Variants in XKR6 observed in about 807,000 individuals in gnomAD.
XKR6 encodes the protein XK related 6.
Under a neutral mutation model 56.7 loss-of-function variants are expected in XKR6, and 22 were observed. The observed-to-expected ratio is 0.39, with a 90% CI of 0.28 to 0.55. The LOEUF is 0.55. Among genes scored for constraint, XKR6 ranks in the 20% least tolerant of loss-of-function variants. The pLI is 0.66. For synonymous variants in XKR6, 524 were observed against 387.8 expected (o/e 1.35, Z -4.13); for missense variants, 852 against 889.0 (o/e 0.96, Z 0.53).
chr8:11,201,753 G>A lies in XKR6; in HGVS notation c.-414C>T, dbSNP rs1302879174. Among the ~76,000 whole-genome samples the A allele has an allele frequency of 6.6e-6, 1 of 152,198 alleles. No individual in the cohort carries two copies. The highest frequency in any genetic ancestry group is 1.9e-4 in the East Asian group (1 of 5,184). On this transcript the variant is annotated 5_prime_UTR_variant, in exon 1 of 3. Transcript: ENST00000416569. Reference sequence around the variant, plus strand: ...GAGGCGGTCCAAAGTGATCCCTGGAGGGGGCAGTGCCAGACGTTTTGGGGT... The same window carrying A: ...GAGGCGGTCCAAAGTGATCCCTGGAAGGGGCAGTGCCAGACGTTTTGGGGT...
chr8:11,198,496 G>A (rs1804013792), intron 1 of XKR6, among the ~76,000 whole-genome samples: 1 of 147,506 alleles, frequency 6.8e-6, no homozygotes, highest in Non-Finnish European at 1.5e-5. Flanking sequence ...TTATATCAAT[G>A]CAGAGGAAAG....
chr8:10,946,919 G>A (rs986245969), intron 1 of XKR6, among the ~76,000 whole-genome samples: 1 of 152,176 alleles, frequency 6.6e-6, no homozygotes, highest in Non-Finnish European at 1.5e-5. Flanking sequence ...GGGAAAGAGG[G>A]TGCTCCAGGT....
chr8:11,114,725 ATATGTGTGTGTG>A (rs1341390355), intron 1 of XKR6, among the ~76,000 whole-genome samples: 3 of 77,692 alleles, frequency 3.9e-5, no homozygotes, highest in African/African-American at 1.7e-4. Flanking sequence ...CTTAGATCAC[ATATGTGTGTGTG>A]TGTGTGTGTG....
chr8:11,194,789 A>G (rs1803781297), intron 1 of XKR6: 1 of 287,266 alleles, frequency 3.5e-6, no homozygotes, highest in African/African-American at 2.2e-5. Context: ...GAAGACAGAA[A>G]TGAACAACTT....
intron 1 of XKR6, among the ~76,000 whole-genome samples, chr8:11,047,722 G>A (rs753809462): frequency 3.3e-5 from 5 of 152,158 alleles, no homozygotes; most frequent in Non-Finnish European, 7.3e-5. Context: ...ACAACAGCGC[G>A]AGTGTACTTA....
chr8:11,062,805 C>G (rs1265860172), intron 1 of XKR6: 1 of 456,198 alleles, frequency 2.2e-6, no homozygotes, highest in Non-Finnish European at 4.4e-6. Context: ...AGCCCCACCT[C>G]CCAGCCTCCT....
chr8:10,952,812 AG>A (rs894158097), intron 1 of XKR6, among the ~76,000 whole-genome samples: 9 of 152,052 alleles, frequency 5.9e-5, no homozygotes, highest in Admixed American at 1.3e-4. Context: ...GGCCATGGAC[AG>A]GTACTGGTCT....
intron 1 of XKR6, among the ~76,000 whole-genome samples, chr8:11,135,372 G>A (rs1800334939): frequency 6.6e-6 from 1 of 152,078 alleles, no homozygotes; most frequent in Admixed American, 6.5e-5. Flanking sequence ...TTGAGTTTCT[G>A]CCACCCTGTA....
chr8:10,942,897 T>C (rs758523335), intron 1 of XKR6, among the ~76,000 whole-genome samples: 56 of 152,328 alleles, frequency 3.7e-4, no homozygotes, highest in Admixed American at 6.5e-4. Context: ...CTTCTGAGGG[T>C]GGAACAGTTG....
At chr8:11,183,082 C>T (rs528379291) in intron 1 of XKR6, among the ~76,000 whole-genome samples, 16 of 152,230 alleles carry the variant, frequency 1.1e-4, no homozygotes, top group East Asian at 7.7e-4. Flanking sequence ...CCTTTGAATG[C>T]GTCTTGTATC....
At chr8:11,180,964 C>T (rs1802942903) in intron 1 of XKR6, among the ~76,000 whole-genome samples, 1 of 152,110 alleles carries the variant, frequency 6.6e-6, no homozygotes, top group Non-Finnish European at 1.5e-5. Context: ...AGGGCTAAAA[C>T]ACAATACAAT....
chr8:10,911,833 A>T (rs1316295152), intron 2 of XKR6, among the ~76,000 whole-genome samples: 1 of 151,084 alleles, frequency 6.6e-6, no homozygotes, highest in African/African-American at 2.4e-5. Flanking sequence ...GTATGTGTAT[A>T]TATAGAAAGG....
intron 1 of XKR6, among the ~76,000 whole-genome samples, chr8:11,086,962 C>T (rs1478870840): frequency 6.6e-6 from 1 of 152,220 alleles, no homozygotes; most frequent in East Asian, 1.9e-4. Context: ...GCAGTGGCTC[C>T]ATGGTCTCTC....
intron 1 of XKR6, among the ~76,000 whole-genome samples, chr8:10,984,732 C>CTCTCTCTCTATATA: frequency 5.9e-4 from 28 of 47,482 alleles, no homozygotes; most frequent in African/African-American, 1.8e-3. Flanking sequence ...CTCTCTCTCT[C>CTCTCTCTCTATATA]TATATATATA....
chr8:11,166,625 T>C (rs1018515264), intron 1 of XKR6, among the ~76,000 whole-genome samples: 1 of 152,146 alleles, frequency 6.6e-6, no homozygotes, highest in African/African-American at 2.4e-5. Flanking sequence ...CAGGCTGGAG[T>C]GCCATGGCGT....
At chr8:11,123,812 A>G (rs1185717463) in intron 1 of XKR6, 3 of 455,650 alleles carry the variant, frequency 6.6e-6, no homozygotes, top group Non-Finnish European at 1.3e-5. Flanking sequence ...GCCAGACACT[A>G]TTTGGAAATA....
chr8:11,196,924 T>C (rs1803921844), intron 1 of XKR6, among the ~76,000 whole-genome samples: 1 of 152,078 alleles, frequency 6.6e-6, no homozygotes, highest in Non-Finnish European at 1.5e-5. Context: ...GGGGAGTGAT[T>C]AAAAAAATAA....
At chr8:11,083,656 T>C (rs1797798561) in intron 1 of XKR6, among the ~76,000 whole-genome samples, 1 of 152,218 alleles carries the variant, frequency 6.6e-6, no homozygotes, top group African/African-American at 2.4e-5. Context: ...CAAATGCATA[T>C]TTATCTCACA....
chr8:11,087,666 G>A (rs939328220), intron 1 of XKR6, among the ~76,000 whole-genome samples: 2 of 152,200 alleles, frequency 1.3e-5, no homozygotes, highest in Non-Finnish European at 2.9e-5. Flanking sequence ...CAAAAAGATG[G>A]AGGGAACCTG....
Sources: allele counts gnomAD v4.1 joint callset (sites outside exome capture counted in the v4.1 genomes callset), GRCh38; gene constraint gnomAD v4.1.1; transcripts MANE v1.5; gene names NCBI Gene and HGNC (gene_info 2026-07-23, HGNC 2026-07-21).